The following SRD5A3 variants were observed in gnomAD, a reference collection of about 807,000 sequenced individuals.
The protein encoded by SRD5A3 is polyprenal reductase.
SRD5A3 carries 24 observed loss-of-function variants against 34.3 expected under a neutral mutation model. That is an observed-to-expected ratio of 0.70 (90% CI 0.51 to 0.99). The LOEUF (loss-of-function observed/expected upper bound fraction) is 0.99, where lower values mean the gene tolerates loss of function less well. Ranked by LOEUF, SRD5A3 falls within the 50% of genes least tolerant of loss-of-function variation. SRD5A3 has a pLI of 0.00. For synonymous variants in SRD5A3, 161 were observed against 167.3 expected (o/e 0.96, Z 0.29); for missense variants, 350 against 388.2 (o/e 0.90, Z 0.83).
In SRD5A3 at chr4:55,372,153, G is replaced by A. The variant is rs767126006; in HGVS notation, c.*2062G>A. 2.0e-5 allele frequency: 3 copies of A among 152,098 alleles called. No homozygotes were observed. The highest frequency in any genetic ancestry group is 4.4e-5 in the Non-Finnish European group (3 of 68,016). The allele number at this position is 152,098 out of a possible 1,614,324, so 9.4% of individuals were successfully genotyped here. ...TTGGAAATGGAAAACATTGCAGTTT[G>A]GTCTTAATTTCCACATGAATATCAA... is the stretch of plus-strand genomic sequence containing the variant. On this transcript the variant is annotated 3_prime_UTR_variant, in exon 5 of 5. Coordinates refer to ENST00000264228, the MANE Select transcript of SRD5A3 (RefSeq NM_024592.5).
At chr4:55,353,565 T>C (rs1207214537) in intron 1 of SRD5A3, among the ~76,000 whole-genome samples, 2 of 152,188 alleles carry the variant, frequency 1.3e-5, no homozygotes, top group Admixed American at 6.5e-5. Flanking sequence ...GAGGCTGTAT[T>C]CTTTTGCTCT....
chr4:55,364,430 G>A lies in SRD5A3; in HGVS notation c.562+159G>A, dbSNP rs1719799986. The stretch of plus-strand genomic sequence containing the variant: ...ATGAGACTCAAGTCGATTTTAAAAG[G>A]CCGGGCGTGGTCGCTTACACCTGTA... On this transcript the variant is annotated intron_variant, in intron 3 of 4. Coordinates refer to ENST00000264228, the MANE Select transcript of SRD5A3 (RefSeq NM_024592.5). The A allele has an allele frequency of 1.8e-5, 15 of 848,086 alleles. No homozygotes were observed. In the South Asian group the frequency reaches 2.0e-4, roughly 11 times the overall value. 52.5% of individuals were successfully genotyped at this position (848,086 alleles called of 1,614,324 possible).
chr4:55,366,205 C>T (rs1012400718), intron 3 of SRD5A3, among the ~76,000 whole-genome samples: 2 of 152,214 alleles, frequency 1.3e-5, no homozygotes, highest in African/African-American at 2.4e-5. Flanking sequence ...TTACCCTTAA[C>T]AAATCCTTTT....
intron 1 of SRD5A3, among the ~76,000 whole-genome samples, chr4:55,353,541 C>CCTT (rs1465377367): frequency 2.6e-5 from 4 of 152,322 alleles, no homozygotes; most frequent in Admixed American, 6.5e-5. Context: ...CTGGGGGTCC[C>CCTT]CTTCTACCCT....
At chr4:55,359,643 T>A (rs1719604075) in intron 2 of SRD5A3, among the ~76,000 whole-genome samples, 155 bp downstream of exon 2, 1 of 152,220 alleles carries the variant, frequency 6.6e-6, no homozygotes, top group Non-Finnish European at 1.5e-5. Context: ...TTTGCACGGT[T>A]CATTGCCGGA....
At chr4:55,351,508 TAAAATACAA>T (rs2109462441) in intron 1 of SRD5A3, among the ~76,000 whole-genome samples, 1 of 150,550 alleles carries the variant, frequency 6.6e-6, no homozygotes, top group African/African-American at 2.4e-5. Context: ...TAAAAATACG[TAAAATACAA>T]AAAATACAAA....
intron 1 of SRD5A3, among the ~76,000 whole-genome samples, chr4:55,352,630 T>C (rs571681212): frequency 5.5e-4 from 83 of 152,074 alleles, no homozygotes; most frequent in Non-Finnish European, 1.0e-3. Flanking sequence ...TGAGAAAAAG[T>C]GGTTTGAGGT....
intron 1 of SRD5A3, among the ~76,000 whole-genome samples, chr4:55,358,180 A>G (rs4864982): frequency 0.48 from 72,423 of 152,040 alleles, 17,984 homozygotes; most frequent in East Asian, 0.84. Flanking sequence ...TAGAGTCAGA[A>G]AGGTTTCAGA....
intron 1 of SRD5A3, chr4:55,351,726 A>G: frequency 2.4e-6 from 1 of 417,926 alleles, no homozygotes; most frequent in South Asian, 1.9e-5. Flanking sequence ...TCAACAGAAT[A>G]ATAATTCATG....
intron 1 of SRD5A3, among the ~76,000 whole-genome samples, chr4:55,354,823 C>T (rs143544510): frequency 0.015 from 2,229 of 151,384 alleles, 21 homozygotes; most frequent in African/African-American, 0.021. Context: ...TGTGTGCGCG[C>T]GTGCGTGCGC....
intron 1 of SRD5A3, among the ~76,000 whole-genome samples, chr4:55,356,863 A>G (rs1453924507): frequency 6.6e-6 from 1 of 152,068 alleles, no homozygotes; most frequent in African/African-American, 2.4e-5. Flanking sequence ...ATCTGCCCAA[A>G]TGGCTCCCCA....
chr4:55,366,286 T>G (rs1029516118), intron 3 of SRD5A3, among the ~76,000 whole-genome samples: 1 of 152,226 alleles, frequency 6.6e-6, no homozygotes, highest in Non-Finnish European at 1.5e-5. Flanking sequence ...CTGTAACTTT[T>G]CATCCTGTTG....
At position 55,346,345 on chromosome 4, in the gene SRD5A3, C is replaced by T. The variant is rs1228830618; in HGVS notation, c.9C>T (p.Pro3=). 6.6e-7 allele frequency: 1 copy of T among 1,504,356 alleles called. No homozygotes were observed. The allele number at this position is 1,504,356 out of a possible 1,614,324, so 93.2% of individuals were successfully genotyped here. A position where few individuals can be genotyped will look rare whatever the true frequency, so the allele number is the denominator to read the frequency against. MA[P]WAEAEHSALN... ...AGGCGGGCACGCGGGCCATGGCTCC[C>T]TGGGCGGAGGCCGAGCACTCGGCGC... The change falls in exon 1 of 5, where the codon CCC becomes CCT. Residue 3 remains proline (P), a synonymous_variant. Coordinates refer to ENST00000264228, the MANE Select transcript of SRD5A3 (RefSeq NM_024592.5).
In SRD5A3 at chr4:55,372,538, A is replaced by G. The variant is rs1720165198; in HGVS notation, c.*2447A>G. 1 of 152,204 alleles carries G rather than the reference A, an allele frequency of 6.6e-6. No individual in the cohort carries two copies. The highest frequency in any genetic ancestry group is 6.5e-5 in the Admixed American group (1 of 15,276). The allele number at this position is 152,204 out of a possible 1,614,324, so 9.4% of individuals were successfully genotyped here. On this transcript the variant is annotated 3_prime_UTR_variant, in exon 5 of 5. Coordinates refer to ENST00000264228, the MANE Select transcript of SRD5A3 (RefSeq NM_024592.5). ...GGTGAAAGCGTCACCGATGGGAAAT[A>G]ATTGAGAATTGTGCAGTGCTTGCAG...
chr4:55,368,518 G>C (rs1719994395), intron 4 of SRD5A3, among the ~76,000 whole-genome samples: 1 of 150,054 alleles, frequency 6.7e-6, no homozygotes, highest in African/African-American at 2.4e-5. Flanking sequence ...TCCGCCTCCA[G>C]GGTTCAAGTG....
intron 1 of SRD5A3, 190 bp from the exon 2 acceptor site, chr4:55,359,156 C>T (rs1719582174): frequency 5.9e-6 from 4 of 676,096 alleles, no homozygotes; most frequent in African/African-American, 1.8e-5. Flanking sequence ...TGAAAGTTAA[C>T]TGGTCCCGTT....
chr4:55,349,282 C>T (rs1191925024), intron 1 of SRD5A3, among the ~76,000 whole-genome samples: 7 of 152,150 alleles, frequency 4.6e-5, no homozygotes, highest in Non-Finnish European at 1.0e-4. Context: ...GTGATCCACC[C>T]ACCTTGGCCT....
At chr4:55,369,110 A>G (rs183576696) in intron 4 of SRD5A3, among the ~76,000 whole-genome samples, 1 of 152,306 alleles carries the variant, frequency 6.6e-6, no homozygotes, top group African/African-American at 2.4e-5. Flanking sequence ...TGCTTTACAT[A>G]TAGCTTCACA....
chr4:55,359,302 G>A lies in SRD5A3; in HGVS notation c.222-44G>A, dbSNP rs1484314822. The A allele has an allele frequency of 1.9e-6, 3 of 1,611,988 alleles. No homozygotes were observed. The South Asian group carries it at 3.3e-5, about 18-fold the overall frequency. ...TAATCTTCCCGTATAAGAGCTTGAAGTGGATCTACCCTAATTATTGCCTCG... is the reference window on the plus strand; with the variant it reads ...TAATCTTCCCGTATAAGAGCTTGAAATGGATCTACCCTAATTATTGCCTCG... On this transcript the variant is annotated intron_variant, in intron 1 of 4. Transcript: ENST00000264228.
Sources: allele counts gnomAD v4.1 joint callset (sites outside exome capture counted in the v4.1 genomes callset), GRCh38; gene constraint gnomAD v4.1.1; transcripts MANE v1.5; gene names NCBI Gene and HGNC (gene_info 2026-07-23, HGNC 2026-07-21).